Variants in FGF18 observed in about 807,000 individuals in gnomAD.
The protein encoded by FGF18 is fibroblast growth factor 18.
Under a neutral mutation model 23.0 loss-of-function variants are expected in FGF18, and 5 were observed. The observed-to-expected ratio is 0.22, with a 90% CI of 0.11 to 0.46. FGF18 has a LOEUF of 0.46. Among genes scored for constraint, FGF18 ranks in the 20% least tolerant of loss-of-function variants. The pLI, the probability that FGF18 is intolerant of heterozygous loss-of-function variation, is 0.99. For synonymous variants in FGF18, 117 were observed against 118.9 expected (o/e 0.98, Z 0.10); for missense variants, 180 against 291.6 (o/e 0.62, Z 2.79).
Position 171,451,066 on chromosome 5 carries a change from C to T in FGF18, c.357+1813C>T, listed in dbSNP as rs1772499565. Among the ~76,000 whole-genome samples the T allele has an allele frequency of 6.6e-6, 1 of 151,452 alleles. No homozygotes were observed. The highest frequency in any genetic ancestry group is 2.4e-5 in the African/African-American group (1 of 41,342). ...CCCTCGGGCCGCCCCCCCACCCCGC[C>T]GCCGGCCGCCTCCCGCCCGCGGGCG... On this transcript the variant is annotated intron_variant, in intron 4 of 4. Transcript: ENST00000274625. The surrounding 1 kb of genome is among the most constrained non-coding windows in gnomAD (Gnocchi z 4.5).
chr5:171,423,092 T>C (rs1772040898), intron 2 of FGF18, among the ~76,000 whole-genome samples: 1 of 152,112 alleles, frequency 6.6e-6, no homozygotes, highest in East Asian at 1.9e-4. Flanking sequence ...CCTCCTTTCT[T>C]CCTGTCCATC....
intron 3 of FGF18, among the ~76,000 whole-genome samples, chr5:171,446,976 T>C (rs1772428032): frequency 6.6e-6 from 1 of 152,028 alleles, no homozygotes; most frequent in Non-Finnish European, 1.5e-5. Flanking sequence ...ACATCCGATA[T>C]CCTTCCACTA....
intron 2 of FGF18, 147 bp downstream of exon 2, chr5:171,420,590 CTCCGCG>C (rs1195986491): frequency 1.3e-6 from 1 of 763,956 alleles, no homozygotes; most frequent in East Asian, 2.7e-5. Flanking sequence ...GGAAGGGCGG[CTCCGCG>C]TGCGCCCTGC....
Position 171,456,476 on chromosome 5 carries a change from T to C in FGF18, c.358-63T>C. Reference sequence around the variant, plus strand: ...TGGTCCTGAATAAAACCTTCCTCGCTGTGCTTTGGCAAGCATAACTGAGTC... The same window carrying C: ...TGGTCCTGAATAAAACCTTCCTCGCCGTGCTTTGGCAAGCATAACTGAGTC... On this transcript the variant is annotated intron_variant, in intron 4 of 4. Transcript: ENST00000274625. This position sits in a 1 kb window ranked among gnomAD's most constrained non-coding sequence, Gnocchi z 6.1. 6.5e-7 allele frequency: 1 copy of C among 1,540,584 alleles called. No individual in the cohort carries two copies.
chr5:171,454,855 T>C (rs905170274), intron 4 of FGF18, among the ~76,000 whole-genome samples: 2 of 152,226 alleles, frequency 1.3e-5, no homozygotes, highest in Non-Finnish European at 2.9e-5. Flanking sequence ...CAACTTTGTG[T>C]TTCCCACTCT....
chr5:171,437,134 G>T (rs530526774), intron 3 of FGF18, among the ~76,000 whole-genome samples: 7 of 152,210 alleles, frequency 4.6e-5, no homozygotes, highest in South Asian at 4.1e-4. Flanking sequence ...AGATGGCCCA[G>T]GCCCCAGCCT....
In FGF18 at chr5:171,436,056, A is replaced by G; in HGVS notation, c.70-37A>G. 7 of 1,460,656 alleles carry G rather than the reference A, an allele frequency of 4.8e-6. No individual in the cohort carries two copies. The highest frequency in any genetic ancestry group is 6.4e-6 in the Non-Finnish European group (7 of 1,097,806). 90.5% of individuals were successfully genotyped at this position (1,460,656 alleles called of 1,614,324 possible). ...CTCCTGCATGCAGTGGGCCTGGGAC[A>G]TCTGGGGTGGCTTACTGTGTCCTTT... is the stretch of plus-strand genomic sequence containing the variant. On this transcript the variant is annotated intron_variant, in intron 2 of 4. Coordinates refer to ENST00000274625, the MANE Select transcript of FGF18 (RefSeq NM_003862.3). The surrounding 1 kb of genome is among the most constrained non-coding windows in gnomAD (Gnocchi z 4.4).
chr5:171,430,357 CAA>C (rs397884738), intron 2 of FGF18, among the ~76,000 whole-genome samples: 15 of 94,852 alleles, frequency 1.6e-4, no homozygotes, highest in Admixed American at 1.2e-4. Context: ...GACTGTGTCT[CAA>C]AAAAAAAAAA....
intron 3 of FGF18, among the ~76,000 whole-genome samples, chr5:171,444,222 C>T (rs765706003): frequency 1.9e-4 from 29 of 152,276 alleles, no homozygotes; most frequent in South Asian, 8.3e-4. Flanking sequence ...CTGCCTCCTT[C>T]GCTGTTCACT....
In FGF18 at chr5:171,437,541, G is replaced by A. The variant is rs182642674; in HGVS notation, c.250+1268G>A. Among the ~76,000 whole-genome samples, 340 of 152,070 alleles carry A rather than the reference G, an allele frequency of 2.2e-3. 2 individuals carry two copies. The highest frequency in any genetic ancestry group is 3.2e-3 in the African/African-American group (133 of 41,494). On this transcript the variant is annotated intron_variant, in intron 3 of 4. Coordinates refer to ENST00000274625, the MANE Select transcript of FGF18 (RefSeq NM_003862.3). ...CTTTCGCAGCTTTTCCCCGTTCCCC[G>A]TTTTGTTTTTGTCCACCTCTCTGTC... is the stretch of plus-strand genomic sequence containing the variant.
intron 4 of FGF18, among the ~76,000 whole-genome samples, chr5:171,450,725 C>T (rs1772488697): frequency 6.6e-6 from 1 of 151,962 alleles, no homozygotes; most frequent in Non-Finnish European, 1.5e-5. Flanking sequence ...GGGTCGGGGC[C>T]GGGGCCGGGG....
At chr5:171,446,592 A>G (rs1469526680) in intron 3 of FGF18, among the ~76,000 whole-genome samples, 1 of 152,056 alleles carries the variant, frequency 6.6e-6, no homozygotes, top group East Asian at 1.9e-4. Context: ...GCCAAGAGGG[A>G]GTCTCTCCCT....
At chr5:171,432,516 C>A (rs142041482) in intron 2 of FGF18, among the ~76,000 whole-genome samples, 2,417 of 152,292 alleles carry the variant, frequency 0.016, 42 homozygotes, top group Non-Finnish European at 0.022. Context: ...TCAAGTGATT[C>A]TCCGGCCTCA....
rs1404998804 is a variant in FGF18 at position 171,434,656 on chromosome 5, AG to A, written c.70-1433del. 6.6e-6 allele frequency among the ~76,000 whole-genome samples: 1 copy of A among 152,182 alleles called. No homozygotes were observed. Among genetic ancestry groups the A allele is most frequent in the African/African-American group, 2.4e-5 (1 of 41,442 alleles). ...GACATGCATACAACCAGCAGGGTGT[AG>A]GGGACCCTGCTCCAATGGTAAATGG... On this transcript the variant is annotated intron_variant, in intron 2 of 4. Transcript: ENST00000274625. This position sits in a 1 kb window ranked among gnomAD's most constrained non-coding sequence, Gnocchi z 4.6.
chr5:171,441,448 G>C (rs886226518), intron 3 of FGF18, among the ~76,000 whole-genome samples: 3 of 152,180 alleles, frequency 2.0e-5, no homozygotes, highest in African/African-American at 7.2e-5. Context: ...GGCATCCCGT[G>C]AACACCCAAG....
chr5:171,435,721 T>G (rs561012246), intron 2 of FGF18, among the ~76,000 whole-genome samples: 12 of 152,260 alleles, frequency 7.9e-5, no homozygotes, highest in African/African-American at 2.9e-4. Flanking sequence ...GTTTGCTCAC[T>G]TAGTCCTCAC....
chr5:171,449,497 C>T (rs1772467364), intron 4 of FGF18, among the ~76,000 whole-genome samples: 1 of 151,940 alleles, frequency 6.6e-6, no homozygotes, highest in Admixed American at 6.6e-5. Context: ...TCCCCGGGCA[C>T]TTGAACTCAC....
At chr5:171,444,106 A>G (rs889784087) in intron 3 of FGF18, among the ~76,000 whole-genome samples, 7 of 151,706 alleles carry the variant, frequency 4.6e-5, no homozygotes, top group African/African-American at 1.7e-4. Flanking sequence ...GACCCTGGGG[A>G]CTCCCTCCTT....
At chr5:171,446,142 C>T (rs777913587) in intron 3 of FGF18, among the ~76,000 whole-genome samples, 3 of 152,252 alleles carry the variant, frequency 2.0e-5, no homozygotes, top group Non-Finnish European at 4.4e-5. Context: ...GTCACTCCAT[C>T]GCATGCTGCG....
Sources: gnomAD v4.1 joint callset for allele counts (sites outside exome capture counted in the v4.1 genomes callset) on GRCh38, gnomAD v4.1.1 for gene constraint, Gnocchi (gnomAD v3.1) non-coding constraint, MANE v1.5 for transcripts, NCBI Gene and HGNC (gene_info 2026-07-23, HGNC 2026-07-21) for gene names.